The following SLC8A1 variants were observed in gnomAD, a reference collection of about 807,000 sequenced individuals.
SLC8A1 encodes sodium/calcium exchanger 1.
A neutral mutation model predicts 68.3 loss-of-function variants in SLC8A1; 18 were observed. The ratio of observed to expected loss-of-function variants is 0.26; its 90% CI spans 0.18 to 0.39. SLC8A1 has a LOEUF of 0.39. Ranked by LOEUF, SLC8A1 falls within the 10% of genes least tolerant of loss-of-function variation. The pLI, the probability that SLC8A1 is intolerant of heterozygous loss-of-function variation, is 1.00. For synonymous variants in SLC8A1, 475 were observed against 415.5 expected (o/e 1.14, Z -1.74); for missense variants, 985 against 1,156.7 (o/e 0.85, Z 2.15).
At chr2:40,164,110 C>A (rs949845179) in intron 5 of SLC8A1, among the ~76,000 whole-genome samples, 1 of 152,126 alleles carries the variant, frequency 6.6e-6, no homozygotes, top group Non-Finnish European at 1.5e-5. Flanking sequence ...ACTGTTTCTT[C>A]CCCTGTGGTC....
At chr2:40,160,248 A>G (rs13409965) in intron 6 of SLC8A1, among the ~76,000 whole-genome samples, 38,452 of 152,136 alleles carry the variant, frequency 0.25, 5,324 homozygotes, top group East Asian at 0.58. Flanking sequence ...AAAACTCTGT[A>G]CTTTGCTTGT....
chr2:40,325,106 C>T (rs2075657690), intron 2 of SLC8A1, among the ~76,000 whole-genome samples: 1 of 151,420 alleles, frequency 6.6e-6, no homozygotes. Context: ...CAGACAGAGT[C>T]TGTAGAGAAA....
chr2:40,201,440 T>A (rs1038111629), intron 2 of SLC8A1, among the ~76,000 whole-genome samples: 1 of 151,980 alleles, frequency 6.6e-6, no homozygotes, highest in Non-Finnish European at 1.5e-5. Flanking sequence ...TGCTAATGTT[T>A]GTTTTGAGGA....
rs970597454 is a variant in SLC8A1 at position 40,178,371 on chromosome 2, G to A, written c.1809-516C>T. ...AGCAGAAGCTGTTGGGCTCAGCCCTGGAGCAGCTCCCCCACCTTTCTTCTC... is the reference window on the plus strand; with the variant it reads ...AGCAGAAGCTGTTGGGCTCAGCCCTAGAGCAGCTCCCCCACCTTTCTTCTC... On this transcript the variant is annotated intron_variant, in intron 2 of 7. Transcript: ENST00000406785. The A allele has an allele frequency of 2.5e-6, 4 of 1,604,570 alleles. No homozygotes were observed. Among genetic ancestry groups the A allele is most frequent in the Non-Finnish European group, 3.4e-6 (4 of 1,172,002 alleles).
intron 1 of SLC8A1, among the ~76,000 whole-genome samples, chr2:40,450,355 T>G (rs1339676642): frequency 2.0e-5 from 3 of 151,220 alleles, no homozygotes; most frequent in East Asian, 3.9e-4. Flanking sequence ...CATGTGAGTG[T>G]GTGTGTGTGT....
At chr2:40,503,643 G>A (rs1272385671) in intron 1 of SLC8A1, among the ~76,000 whole-genome samples, 3 of 151,906 alleles carry the variant, frequency 2.0e-5, no homozygotes, top group Non-Finnish European at 4.4e-5. Flanking sequence ...GAATTTAGTA[G>A]CATTTCCATA....
intron 1 of SLC8A1, among the ~76,000 whole-genome samples, chr2:40,464,536 G>A (rs116016839): frequency 0.011 from 1,664 of 152,324 alleles, 21 homozygotes; most frequent in Middle Eastern, 0.024. Flanking sequence ...TTGTAAGAAG[G>A]GGAGACTGGC....
At chr2:40,199,963 T>G (rs2053814411) in intron 2 of SLC8A1, among the ~76,000 whole-genome samples, 1 of 150,278 alleles carries the variant, frequency 6.7e-6, no homozygotes, top group South Asian at 2.1e-4. Flanking sequence ...TTACATTGTT[T>G]TCATAACAAA....
chr2:40,378,503 T>C (rs1363318063), intron 2 of SLC8A1, among the ~76,000 whole-genome samples: 1 of 151,750 alleles, frequency 6.6e-6, no homozygotes. Flanking sequence ...CTTTGTGGAG[T>C]TTTTACTCTC....
chr2:40,219,143 C>T (rs563123832), intron 2 of SLC8A1, among the ~76,000 whole-genome samples: 43 of 152,206 alleles, frequency 2.8e-4, no homozygotes, highest in Non-Finnish European at 5.7e-4. Flanking sequence ...GTTTTGTGCC[C>T]CTTTCAATTG....
intron 2 of SLC8A1, among the ~76,000 whole-genome samples, chr2:40,333,437 CAAAAA>C (rs11392390): frequency 2.7e-5 from 2 of 73,868 alleles, no homozygotes; most frequent in Non-Finnish European, 6.1e-5. Flanking sequence ...GACTCCGTCT[CAAAAA>C]AAAAAAAAAA....
chr2:40,132,898 T>C (rs575379683), intron 7 of SLC8A1, among the ~76,000 whole-genome samples: 7 of 152,326 alleles, frequency 4.6e-5, no homozygotes, highest in Admixed American at 6.5e-5. Context: ...AAATGTTCCT[T>C]CTCTGCTCAA....
At chr2:40,304,307 T>C (rs905608733) in intron 2 of SLC8A1, among the ~76,000 whole-genome samples, 5 of 152,178 alleles carry the variant, frequency 3.3e-5, no homozygotes, top group Non-Finnish European at 7.4e-5. Context: ...AAGGAGGCTG[T>C]TGGAATAGCA....
At chr2:40,415,746 G>A (rs111231366) in intron 2 of SLC8A1, among the ~76,000 whole-genome samples, 3,352 of 151,996 alleles carry the variant, frequency 0.022, 114 homozygotes, top group African/African-American at 0.075. Context: ...GGGAGGCCGA[G>A]GTGGGTGGGT....
At chr2:40,424,697 G>A (rs1696402332) in intron 2 of SLC8A1, among the ~76,000 whole-genome samples, 1 of 151,752 alleles carries the variant, frequency 6.6e-6, no homozygotes, top group African/African-American at 2.4e-5. Context: ...ATATTCTAAG[G>A]AGTATATTAA....
At chr2:40,458,947 A>G (rs1267191767) in intron 1 of SLC8A1, among the ~76,000 whole-genome samples, 1 of 152,334 alleles carries the variant, frequency 6.6e-6, no homozygotes, top group Non-Finnish European at 1.5e-5. Flanking sequence ...AAGGAAAAAA[A>G]GCTGGGTAGA....
intron 2 of SLC8A1, among the ~76,000 whole-genome samples, chr2:40,377,774 C>T (rs1354426583): frequency 6.6e-6 from 1 of 152,136 alleles, no homozygotes; most frequent in African/African-American, 2.4e-5. Flanking sequence ...ATCAGGTCTA[C>T]TTCTACTACC....
intron 2 of SLC8A1, among the ~76,000 whole-genome samples, chr2:40,271,339 C>G (rs1441735563): frequency 6.6e-6 from 1 of 152,076 alleles, no homozygotes; most frequent in African/African-American, 2.4e-5. Flanking sequence ...CAGCTTGTGT[C>G]TCGGCTCCTG....
intron 2 of SLC8A1, among the ~76,000 whole-genome samples, chr2:40,331,377 A>C (rs1043748493): frequency 6.6e-6 from 1 of 152,084 alleles, no homozygotes; most frequent in Non-Finnish European, 1.5e-5. Flanking sequence ...CACACACATA[A>C]TGCCTACTAT....
Sources: gnomAD v4.1 joint callset for allele counts (sites outside exome capture counted in the v4.1 genomes callset) on GRCh38, gnomAD v4.1.1 for gene constraint, MANE v1.5 for transcripts, NCBI Gene and HGNC (gene_info 2026-07-23, HGNC 2026-07-21) for gene names.